NKAIN3: variants seen among roughly 807,000 people sequenced by gnomAD.
NKAIN3 encodes the protein sodium/potassium-transporting ATPase subunit beta-1-interacting protein 3.
A neutral mutation model predicts 30.2 loss-of-function variants in NKAIN3; 25 were observed. The observed-to-expected ratio is 0.83, with a 90% CI of 0.60 to 1.16. The LOEUF (loss-of-function observed/expected upper bound fraction) is 1.16. Among genes scored for constraint, NKAIN3 ranks in the 50% most tolerant of loss-of-function variants. The pLI is 0.00. For missense variants in NKAIN3, 225 were observed against 254.1 expected, an observed-to-expected ratio of 0.89 and a Z score of 0.78; for synonymous variants, 91 against 89.6, an observed-to-expected ratio of 1.02 and a Z score of -0.09.
chr8:62,643,936 T>G (rs1322810709), intron 3 of NKAIN3, among the ~76,000 whole-genome samples: 1 of 152,112 alleles, frequency 6.6e-6, no homozygotes, highest in East Asian at 1.9e-4. Context: ...ACCCTTCTCT[T>G]TCCCCTAAAT....
intron 1 of NKAIN3, among the ~76,000 whole-genome samples, chr8:62,501,591 C>A (rs2129682201): frequency 6.6e-6 from 1 of 152,058 alleles, no homozygotes; most frequent in Middle Eastern, 3.4e-3. Context: ...TCTCCATCCT[C>A]TGTGTCTAGG....
At chr8:62,661,737 T>G (rs540101790) in intron 3 of NKAIN3, among the ~76,000 whole-genome samples, 35 of 152,278 alleles carry the variant, frequency 2.3e-4, no homozygotes, top group African/African-American at 7.2e-4. Context: ...CACTACCTCT[T>G]TGGTCCTTGC....
In NKAIN3 at chr8:62,895,073, C is replaced by T. The variant is rs191922016; in HGVS notation, c.472-23380C>T. Among the ~76,000 whole-genome samples the T allele has an allele frequency of 3.8e-3, 583 of 152,266 alleles. 5 individuals carry two copies. Among genetic ancestry groups the T allele is most frequent in the Middle Eastern group, 6.8e-3 (2 of 294 alleles). The stretch of plus-strand genomic sequence containing the variant: ...TTTAAGCTGGATACTTTGCAAGTCC[C>T]AAATACAGGGGTTCTGTTGGTAAAG... On this transcript the variant is annotated intron_variant, in intron 4 of 6. Transcript: ENST00000623646.
At chr8:62,490,602 A>G (rs4551346) in intron 1 of NKAIN3, among the ~76,000 whole-genome samples, 15,276 of 152,192 alleles carry the variant, frequency 0.1, 821 homozygotes, top group East Asian at 0.13. Flanking sequence ...GTAAGTCCTC[A>G]TTCAGAAATG....
chr8:62,775,800 T>G (rs1563556371), intron 4 of NKAIN3, among the ~76,000 whole-genome samples: 1 of 152,232 alleles, frequency 6.6e-6, no homozygotes, highest in East Asian at 1.9e-4. Flanking sequence ...AAATATCTAT[T>G]AGGCCCATTT....
intron 1 of NKAIN3, among the ~76,000 whole-genome samples, chr8:62,521,906 A>G (rs976034453): frequency 3.3e-5 from 5 of 152,104 alleles, no homozygotes; most frequent in African/African-American, 7.2e-5. Flanking sequence ...CTTAAACGCT[A>G]TAATTGCTTT....
chr8:62,517,610 C>G (rs1293242901), intron 1 of NKAIN3, among the ~76,000 whole-genome samples: 2 of 152,020 alleles, frequency 1.3e-5, no homozygotes, highest in African/African-American at 2.4e-5. Context: ...AAGTTTAATC[C>G]CCCCAAGAAG....
chr8:62,288,309 G>A (rs568635909), intron 1 of NKAIN3, among the ~76,000 whole-genome samples: 14 of 152,204 alleles, frequency 9.2e-5, no homozygotes, highest in Middle Eastern at 3.4e-3. Context: ...TGTTACAAAT[G>A]TATACATGTG....
chr8:62,248,997 A>C lies in NKAIN3; in HGVS notation c.-77A>C. On this transcript the variant is annotated 5_prime_UTR_variant, in exon 1 of 7. Coordinates refer to ENST00000623646, the MANE Select transcript of NKAIN3 (RefSeq NM_001304533.3). ...GCCTGGGCCGGGCCGGGCGGGGACT[A>C]CTCCGGAGTCAGGAGGCAGCAGCGG... 7.5e-7 allele frequency: 1 copy of C among 1,338,148 alleles called. No individual in the cohort carries two copies. Among genetic ancestry groups the C allele is most frequent in the Non-Finnish European group, 1.0e-6 (1 of 972,648 alleles). The allele number at this position is 1,338,148 out of a possible 1,614,324, so 82.9% of individuals were successfully genotyped here.
chr8:62,648,097 A>G (rs907666119), intron 3 of NKAIN3, among the ~76,000 whole-genome samples: 1 of 152,150 alleles, frequency 6.6e-6, no homozygotes, highest in Admixed American at 6.6e-5. Flanking sequence ...TGCAGTCACT[A>G]AGAAAAACAT....
At chr8:62,806,062 A>C (rs1490081910) in intron 4 of NKAIN3, among the ~76,000 whole-genome samples, 1 of 152,244 alleles carries the variant, frequency 6.6e-6, no homozygotes, top group Non-Finnish European at 1.5e-5. Context: ...AATGCTCACC[A>C]TCACTGGCCA....
At chr8:62,624,841 G>A (rs1166007016) in intron 3 of NKAIN3, among the ~76,000 whole-genome samples, 6 of 137,032 alleles carry the variant, frequency 4.4e-5, no homozygotes, top group Non-Finnish European at 9.4e-5. Flanking sequence ...AGTTTCTATT[G>A]TCATATTCTC....
chr8:62,884,471 G>C (rs965559711), intron 4 of NKAIN3, among the ~76,000 whole-genome samples: 4 of 152,054 alleles, frequency 2.6e-5, no homozygotes, highest in African/African-American at 9.7e-5. Context: ...TGGTCAGGCT[G>C]GTCTCGAACC....
In NKAIN3 at chr8:62,333,922, G is replaced by A. The variant is rs78347542; in HGVS notation, c.54+84795G>A. 3.0e-3 allele frequency among the ~76,000 whole-genome samples: 455 copies of A among 152,152 alleles called. 3 individuals carry two copies. Among genetic ancestry groups the A allele is most frequent in the African/African-American group, 0.01 (423 of 41,542 alleles). On this transcript the variant is annotated intron_variant, in intron 1 of 6. Coordinates refer to ENST00000623646, the MANE Select transcript of NKAIN3 (RefSeq NM_001304533.3). ...TTTTATGACTCTGGCTGTTCCTCAGGTGTAAGGTCTATAAGCCATCAAGTG... is the reference window on the plus strand; with the variant it reads ...TTTTATGACTCTGGCTGTTCCTCAGATGTAAGGTCTATAAGCCATCAAGTG...
intron 3 of NKAIN3, among the ~76,000 whole-genome samples, chr8:62,677,949 G>A (rs1243597999): frequency 6.6e-6 from 1 of 152,066 alleles, no homozygotes; most frequent in African/African-American, 2.4e-5. Context: ...TATTTGACTC[G>A]ATTGCTAGTT....
chr8:62,446,472 C>T, intron 1 of NKAIN3, among the ~76,000 whole-genome samples: 1 of 151,958 alleles, frequency 6.6e-6, no homozygotes, highest in East Asian at 1.9e-4. Context: ...TATGCATAAC[C>T]TACAATTTAC....
At chr8:62,343,393 AG>A (rs1445413685) in intron 1 of NKAIN3, among the ~76,000 whole-genome samples, 1 of 152,120 alleles carries the variant, frequency 6.6e-6, no homozygotes, top group Non-Finnish European at 1.5e-5. Flanking sequence ...CTATCTACTC[AG>A]GTGACAAATT....
chr8:62,361,783 T>G (rs1173429503), intron 1 of NKAIN3, among the ~76,000 whole-genome samples: 2 of 152,216 alleles, frequency 1.3e-5, no homozygotes, highest in African/African-American at 4.8e-5. Context: ...TTAAAAATAT[T>G]TTCCTTACAA....
chr8:62,741,078 T>C (rs116334518), intron 3 of NKAIN3, among the ~76,000 whole-genome samples: 1 of 152,034 alleles, frequency 6.6e-6, no homozygotes, highest in African/African-American at 2.4e-5. Context: ...TATGTCCTTG[T>C]AATCCAGTTT....
Sources: allele counts gnomAD v4.1 joint callset (sites outside exome capture counted in the v4.1 genomes callset), GRCh38; gene constraint gnomAD v4.1.1; transcripts MANE v1.5; gene names NCBI Gene and HGNC (gene_info 2026-07-23, HGNC 2026-07-21).